Variants in RHOC observed in about 807,000 individuals in gnomAD.
RHOC encodes the protein ras homolog family member C.
In RHOC, 13 loss-of-function variants were observed where a neutral mutation model predicts 19.5. That is an observed-to-expected ratio of 0.67 (90% CI 0.43 to 1.06). RHOC has a LOEUF of 1.06. Among genes scored for constraint, RHOC ranks in the 50% least tolerant of loss-of-function variants. The pLI is 0.00. For missense variants in RHOC, 173 were observed against 256.9 expected (o/e 0.67, Z 2.23); for synonymous variants, 106 against 97.3 (o/e 1.09, Z -0.52).
intron 1 of RHOC, 45 bp from the exon 2 acceptor site, chr1:112,705,213 C>T (rs990130799): frequency 1.4e-6 from 1 of 701,822 alleles, no homozygotes; most frequent in Non-Finnish European, 2.6e-6. Context: ...TGGGAGGAGC[C>T]CCAAAAGAAG....
intron 1 of RHOC, among the ~76,000 whole-genome samples, chr1:112,706,486 A>ACCACACACACACACCCCCACAC (rs1557780753): frequency 5.7e-5 from 1 of 17,638 alleles, no homozygotes; most frequent in Admixed American, 8.2e-4. Context: ...ACACACACAC[A>ACCACACACACACACCCCCACAC]CACACACACA....
rs753941110 is a variant in RHOC at position 112,702,955 on chromosome 1, C to T, written c.277+44G>A. The T allele has an allele frequency of 3.1e-6, 5 of 1,611,800 alleles. No homozygotes were observed. The East Asian group carries it at 8.9e-5, about 29-fold the overall frequency. On this transcript the variant is annotated intron_variant, in intron 4 of 5. Transcript: ENST00000339083. ...ACAGGCCAAGGCACGAGACCTCTGG[C>T]TGATTCCAAGGGGTTCTCAGTCCCC...
At chr1:112,703,472 G>A (rs1331495371) in intron 3 of RHOC, 172 bp downstream of exon 3, 1 of 753,282 alleles carries the variant, frequency 1.3e-6, no homozygotes, top group Admixed American at 2.0e-5. Context: ...GGGAGAACCA[G>A]AAAGTATATC....
chr1:112,702,904 A>ACC, intron 4 of RHOC, 95 bp downstream of exon 4: 1 of 915,410 alleles, frequency 1.1e-6, no homozygotes, highest in Non-Finnish European at 1.6e-6. Context: ...CTGCATCCCC[A>ACC]CCCCCACCTC....
chr1:112,704,857 A>G (rs527867000), intron 2 of RHOC: 53 of 568,084 alleles, frequency 9.3e-5, no homozygotes, highest in Non-Finnish European at 3.2e-6. Context: ...CATCTACCAC[A>G]GCACAGTGAC....
chr1:112,703,323 G>T, intron 3 of RHOC: 1 of 702,404 alleles, frequency 1.4e-6, no homozygotes, highest in Non-Finnish European at 2.5e-6. Flanking sequence ...CCCTTGAGTT[G>T]CCACTGTGAG....
Position 112,702,988 on chromosome 1 carries a change from A to G in RHOC, c.277+11T>C. 6.2e-7 allele frequency: 1 copy of G among 1,605,260 alleles called. No individual in the cohort carries two copies. The highest frequency in any genetic ancestry group is 8.5e-7 in the Non-Finnish European group (1 of 1,178,344). On this transcript the variant is annotated intron_variant, in intron 4 of 5. Coordinates refer to ENST00000339083, the MANE Select transcript of RHOC (RefSeq NM_175744.5). ...AAGGGGTTCTCAGTCCCCTCCCTCC[A>G]ATCCCCTCACCCAGGCTGTCAGGGC...
In RHOC at chr1:112,701,578, G is replaced by A. The variant is rs759393969; in HGVS notation, c.544C>T (p.Arg182Cys). Residue 182 changes from arginine (R) to cysteine (C), a missense_variant, in exon 6 of 6, where the codon CGC (arginine) becomes TGC (cysteine). Arg to Cys is a radical substitution (Grantham distance 180). Around this residue, in one of 2 missense-constraint regions of RHOC, gnomAD observed 81 missense variants for 85.8 expected, o/e 0.94. Coordinates refer to ENST00000339083, the MANE Select transcript of RHOC (RefSeq NM_175744.5). ...EMATRAGLQV[R>C]KNKRRRGCPI... Reference sequence around the variant, plus strand: ...CAGCCCCTCCGACGCTTGTTCTTGCGGACCTGGAGGCCAGCCCGAGTGGCC... The same window carrying A: ...CAGCCCCTCCGACGCTTGTTCTTGCAGACCTGGAGGCCAGCCCGAGTGGCC... 10 of 1,613,938 alleles carry A rather than the reference G, an allele frequency of 6.2e-6. No homozygotes were observed. Among genetic ancestry groups the A allele is most frequent in the Admixed American group, 5.0e-5 (3 of 59,996 alleles).
In RHOC at chr1:112,705,130, G is replaced by A. The variant is rs770297720; in HGVS notation, c.-38C>T. 6 of 702,366 alleles carry A rather than the reference G, an allele frequency of 8.5e-6. No individual in the cohort carries two copies. The highest frequency in any genetic ancestry group is 1.3e-5 in the Non-Finnish European group (5 of 384,868). The allele number at this position is 702,366 out of a possible 1,614,324, so 43.5% of individuals were successfully genotyped here. A position where few individuals can be genotyped will look rare whatever the true frequency, so the allele number is the denominator to read the frequency against. ...GCCGGCTGAAGTTCCCAGGCTGCAG[G>A]AAGAGAGGGCGGGCTCTGGAGCTGA... is the stretch of plus-strand genomic sequence containing the variant. On this transcript the variant is annotated 5_prime_UTR_variant, in exon 2 of 6. Coordinates refer to ENST00000339083, the MANE Select transcript of RHOC (RefSeq NM_175744.5).
At chr1:112,702,811 C>A in intron 4 of RHOC, 118 bp from the exon 5 acceptor site, 1 of 1,446,324 alleles carries the variant, frequency 6.9e-7, no homozygotes, top group South Asian at 1.3e-5. Context: ...TGGTCCCTTT[C>A]ACAGCTCAAA....
rs1557780774 is a variant in RHOC, at chr1:112,706,489, CACACACA to C, written c.-77+582_-77+588del. Among the ~76,000 whole-genome samples, 81 of 29,404 alleles carry C rather than the reference CACACACA, an allele frequency of 2.8e-3. 2 individuals carry two copies. Among genetic ancestry groups the C allele is most frequent in the Middle Eastern group, 0.03 (2 of 66 alleles). 19.3% of individuals were successfully genotyped at this position (29,404 alleles called of 152,430 possible). A position where few individuals can be genotyped will look rare whatever the true frequency, so the allele number is the denominator to read the frequency against. On this transcript the variant is annotated intron_variant, in intron 1 of 5. Coordinates refer to ENST00000339083, the MANE Select transcript of RHOC (RefSeq NM_175744.5). ...CCACACACACACACACACACACACA[CACACACA>C]CACACACACACACACACACACACAC...
rs1379615499 is a variant in RHOC at position 112,701,201 on chromosome 1, A to T, written c.*339T>A. On this transcript the variant is annotated 3_prime_UTR_variant, in exon 6 of 6. Transcript: ENST00000339083. ...GAGAGACAAGGCCCCTGCCGAAAAC[A>T]ACTCCAGGGGCCTGGGACTCTGGGT... is the stretch of plus-strand genomic sequence containing the variant. 7 of 586,366 alleles carry T rather than the reference A, an allele frequency of 1.2e-5. No individual in the cohort carries two copies. Among genetic ancestry groups the T allele is most frequent in the Non-Finnish European group, 2.1e-5 (7 of 337,718 alleles). The allele number at this position is 586,366 out of a possible 1,614,324, so 36.3% of individuals were successfully genotyped here.
At chr1:112,701,803 T>C in intron 5 of RHOC, 90 bp from the exon 6 acceptor site, 10 of 1,416,036 alleles carry the variant, frequency 7.1e-6, no homozygotes, top group Non-Finnish European at 8.9e-6. Flanking sequence ...CTGGAACAAA[T>C]GCCTCCTTCT....
rs1194201044 is a variant in RHOC, at chr1:112,701,633, G to C, written c.489C>G (p.Thr163=). 6.2e-7 allele frequency: 1 copy of C among 1,614,080 alleles called. No individual in the cohort carries two copies. The highest frequency in any genetic ancestry group is 8.5e-7 in the Non-Finnish European group (1 of 1,179,992). The change falls in exon 6 of 6, where the codon ACC becomes ACG. Residue 163 remains threonine, a synonymous_variant. Coordinates refer to ENST00000339083, the MANE Select transcript of RHOC (RefSeq NM_175744.5). ...CAAACACCTCCCGCACTCCCTCCTT[G>C]GTCTTGGCTGAGCACTCAAGGTAGC... ...AFGYLECSAK[T]KEGVREVFEM...
intron 1 of RHOC, among the ~76,000 whole-genome samples, chr1:112,706,430 T>TACACAC (rs149206424): frequency 0.02 from 977 of 49,698 alleles, 70 homozygotes; most frequent in Middle Eastern, 0.043. Context: ...TCTCTCTCTC[T>TACACAC]ACACACACAC....
rs1557780857 is a variant in RHOC, at chr1:112,706,497, CACACACACACA to C, written c.-77+570_-77+580del. On this transcript the variant is annotated intron_variant, in intron 1 of 5. Transcript: ENST00000339083. ...ACACACACACACACACACACACACA[CACACACACACA>C]CACACACACACACACACACACACAC... 5.3e-3 allele frequency among the ~76,000 whole-genome samples: 239 copies of C among 45,448 alleles called. 7 individuals carry two copies. The highest frequency in any genetic ancestry group is 0.016 in the African/African-American group (222 of 13,556). 29.8% of individuals were successfully genotyped at this position (45,448 alleles called of 152,430 possible).
chr1:112,705,438 T>C (rs777023917), intron 1 of RHOC: 16 of 590,744 alleles, frequency 2.7e-5, no homozygotes, highest in Middle Eastern at 2.6e-4. Flanking sequence ...CCCTTCAACA[T>C]AGATCCTGAG....
At chr1:112,704,791 A>G (rs184039219) in intron 2 of RHOC, 181 of 361,730 alleles carry the variant, frequency 5.0e-4, no homozygotes, top group African/African-American at 3.4e-3. Context: ...CCTGCCAGCA[A>G]CACTGGGTCA....
chr1:112,706,486 A>ACCACACACACACACACACCCCCACAC (rs1557780753), intron 1 of RHOC, among the ~76,000 whole-genome samples: 2 of 17,638 alleles, frequency 1.1e-4, no homozygotes, highest in Non-Finnish European at 2.4e-4. Context: ...ACACACACAC[A>ACCACACACACACACACACCCCCACAC]CACACACACA....
Sources: gnomAD v4.1 joint callset for allele counts (sites outside exome capture counted in the v4.1 genomes callset) on GRCh38, gnomAD v4.1.1 for gene constraint, gnomAD v4.1.1 regional missense constraint, MANE v1.5 for transcripts, NCBI Gene and HGNC (gene_info 2026-07-23, HGNC 2026-07-21) for gene names.